Variants in FCRL4 observed in about 807,000 individuals in gnomAD.
FCRL4 encodes Fc receptor like 4.
A neutral mutation model predicts 64.1 loss-of-function variants in FCRL4; 43 were observed. The ratio of observed to expected loss-of-function variants is 0.67; its 90% CI spans 0.53 to 0.87. The LOEUF (loss-of-function observed/expected upper bound fraction) is 0.87. FCRL4 is among the 40% of genes least tolerant of loss of function. FCRL4 has a pLI of 0.00. For missense variants in FCRL4, 656 were observed against 613.5 expected, an observed-to-expected ratio of 1.07 and a Z score of -0.73; for synonymous variants, 253 against 239.8, an observed-to-expected ratio of 1.05 and a Z score of -0.51.
intron 2 of FCRL4, among the ~76,000 whole-genome samples, chr1:157,592,539 C>T (rs569878592): frequency 3.2e-4 from 49 of 152,252 alleles, no homozygotes; most frequent in Middle Eastern, 3.4e-3. Context: ...CAATGAGATA[C>T]CATCTCATGC....
intron 6 of FCRL4, among the ~76,000 whole-genome samples, chr1:157,585,324 TTC>T (rs1558154917): frequency 7.8e-6 from 1 of 128,596 alleles, no homozygotes; most frequent in Admixed American, 7.7e-5. Flanking sequence ...CCTTCCTTCC[TTC>T]TCTCTTTCTT....
chr1:157,581,776 T>C, intron 6 of FCRL4, 132 bp from the exon 7 acceptor site: 1 of 670,372 alleles, frequency 1.5e-6, no homozygotes, highest in Non-Finnish European at 2.5e-6. Context: ...TAAAGACATC[T>C]TGGGCCAGGT....
chr1:157,594,522 T>C (rs1652914972), intron 2 of FCRL4, among the ~76,000 whole-genome samples: 1 of 152,220 alleles, frequency 6.6e-6, no homozygotes, highest in Non-Finnish European at 1.5e-5. Flanking sequence ...TTCTGTGAAG[T>C]AGAAAATAAA....
rs861998 is a variant in FCRL4 at position 157,574,088 on chromosome 1, G to A, written c.*1436C>T. On this transcript the variant is annotated 3_prime_UTR_variant, in exon 12 of 12. Transcript: ENST00000271532. Reference sequence around the variant, plus strand: ...AATTTGTAAAGATCAAATCAGCGTAGTTGGGATATCTGTCACCTTAAATAT... The same window carrying A: ...AATTTGTAAAGATCAAATCAGCGTAATTGGGATATCTGTCACCTTAAATAT... 85,352 of 214,734 alleles carry A rather than the reference G, an allele frequency of 0.4. 18,216 individuals carry two copies. Among genetic ancestry groups the A allele is most frequent in the African/African-American group, 0.6 (26,516 of 44,318 alleles). 13.3% of individuals were successfully genotyped at this position (214,734 alleles called of 1,614,324 possible).
intron 2 of FCRL4, among the ~76,000 whole-genome samples, chr1:157,595,639 G>A (rs1015915095): frequency 6.6e-6 from 1 of 152,244 alleles, no homozygotes; most frequent in Non-Finnish European, 1.5e-5. Context: ...CTTGTCTCAG[G>A]AAGGGTGTGT....
intron 1 of FCRL4, among the ~76,000 whole-genome samples, chr1:157,597,423 A>T (rs1003589474): frequency 6.6e-6 from 1 of 152,254 alleles, no homozygotes; most frequent in Non-Finnish European, 1.5e-5. Flanking sequence ...GGAAGAAAAA[A>T]ATCAAAGGGA....
intron 6 of FCRL4, among the ~76,000 whole-genome samples, chr1:157,585,202 T>C (rs188378323): frequency 6.6e-6 from 1 of 152,206 alleles, no homozygotes; most frequent in Admixed American, 6.5e-5. Flanking sequence ...AGTAACTTAA[T>C]AAAAGCTAGA....
intron 2 of FCRL4, among the ~76,000 whole-genome samples, chr1:157,590,185 C>G (rs1652807773): frequency 6.6e-6 from 1 of 152,176 alleles, no homozygotes; most frequent in South Asian, 2.1e-4. Context: ...AAACTCCTTT[C>G]CCTTTGTTTA....
intron 2 of FCRL4, among the ~76,000 whole-genome samples, chr1:157,594,985 A>G (rs980344448): frequency 6.6e-6 from 1 of 151,980 alleles, no homozygotes; most frequent in Non-Finnish European, 1.5e-5. Context: ...TGCAACCTCC[A>G]CCTCCTGGGT....
intron 2 of FCRL4, among the ~76,000 whole-genome samples, chr1:157,590,620 C>A (rs764010760): frequency 6.6e-6 from 1 of 151,298 alleles, no homozygotes; most frequent in Non-Finnish European, 1.5e-5. Context: ...CAGATTCAAG[C>A]GATTCTCCTG....
At chr1:157,582,158 G>T (rs1023274459) in intron 6 of FCRL4, among the ~76,000 whole-genome samples, 1 of 152,090 alleles carries the variant, frequency 6.6e-6, no homozygotes, top group African/African-American at 2.4e-5. Flanking sequence ...GGGCAGGAGA[G>T]AAAAAAACGG....
chr1:157,580,626 C>A, intron 7 of FCRL4: 1 of 432,834 alleles, frequency 2.3e-6, no homozygotes, highest in East Asian at 4.6e-5. Context: ...TTACATATAA[C>A]AAAAGTGTCA....
At chr1:157,585,336 T>TC (rs1652650763) in intron 6 of FCRL4, among the ~76,000 whole-genome samples, 1 of 129,740 alleles carries the variant, frequency 7.7e-6, no homozygotes, top group Non-Finnish European at 1.6e-5. Flanking sequence ...CTCTCTTTCT[T>TC]TCTCTCTCTC....
At chr1:157,586,584 G>T in intron 5 of FCRL4, 129 bp from the exon 6 acceptor site, 1 of 753,602 alleles carries the variant, frequency 1.3e-6, no homozygotes, top group Non-Finnish European at 2.1e-6. Context: ...CTAGCATTGT[G>T]GCCAATAGAC....
Position 157,586,409 on chromosome 1 carries a change from G to A in FCRL4, c.894C>T (p.Gly298=), listed in dbSNP as rs113331185. 9 of 1,612,336 alleles carry A rather than the reference G, an allele frequency of 5.6e-6. No homozygotes were observed. The African/African-American group carries it at 8.0e-5, about 14-fold the overall frequency. Residue 298 remains glycine (G), a synonymous_variant, in exon 6 of 12, where the codon GGC becomes GGT. Coordinates refer to ENST00000271532, the MANE Select transcript of FCRL4 (RefSeq NM_031282.3). ...CCAGCATCTCCCCTTCAACAGCCTG[G>A]CCCCCTGAGGGCTGGGTCTCCAGGA... ...GVLLETQPSG[G]QAVEGEMLVL...
chr1:157,596,352 A>C lies in FCRL4; in HGVS notation c.32-4T>G. ...CCAGATTGTCCACAGACTGGAGCTG[A>C]AAGAGAGTAAAGAGCCAGCCATCAG... On this transcript the variant is annotated splice_region_variant and splice_polypyrimidine_tract_variant and intron_variant, in intron 1 of 11. Coordinates refer to ENST00000271532, the MANE Select transcript of FCRL4 (RefSeq NM_031282.3). 6.2e-7 allele frequency: 1 copy of C among 1,613,986 alleles called. No homozygotes were observed. The highest frequency in any genetic ancestry group is 1.1e-5 in the South Asian group (1 of 91,062).
chr1:157,576,563 A>G (rs1297769702), intron 10 of FCRL4, among the ~76,000 whole-genome samples: 1 of 152,230 alleles, frequency 6.6e-6, no homozygotes, highest in Non-Finnish European at 1.5e-5. Context: ...AAGTGTCTGA[A>G]ATGTAACTAG....
At chr1:157,581,248 G>C (rs942378573) in intron 7 of FCRL4, among the ~76,000 whole-genome samples, 3 of 152,198 alleles carry the variant, frequency 2.0e-5, no homozygotes, top group African/African-American at 7.2e-5. Context: ...TAAGTAAACT[G>C]TTCAGATAAA....
Position 157,589,382 on chromosome 1 carries a change from A to C in FCRL4, c.129T>G (p.Thr43=), listed in dbSNP as rs759294445. ...TFFKGERVTL[T]CNGFQFYATE... is the part of the protein sequence containing the mutation. Reference sequence around the variant, plus strand: ...TTGCATAGAACTGAAATCCATTGCAAGTCAGAGTCACTCTCTCTCCTTTGA... The same window carrying C: ...TTGCATAGAACTGAAATCCATTGCACGTCAGAGTCACTCTCTCTCCTTTGA... The change falls in exon 3 of 12, where the codon ACT becomes ACG. Residue 43 remains threonine (T), a synonymous_variant. Transcript: ENST00000271532. The C allele has an allele frequency of 2.6e-5, 42 of 1,614,054 alleles. No homozygotes were observed. Among genetic ancestry groups the C allele is most frequent in the Non-Finnish European group, 3.6e-5 (42 of 1,180,038 alleles).
Sources: gnomAD v4.1 joint callset for allele counts (sites outside exome capture counted in the v4.1 genomes callset) on GRCh38, gnomAD v4.1.1 for gene constraint, MANE v1.5 for transcripts, NCBI Gene and HGNC (gene_info 2026-07-23, HGNC 2026-07-21) for gene names.